LHFPL7: variants seen among roughly 807,000 people sequenced by gnomAD.
The protein encoded by LHFPL7 is LHFPL tetraspan subfamily member 7 protein.
chr22:24,946,392 C>T, the LHFPL7 span, among the ~76,000 whole-genome samples: 1 of 151,754 alleles, frequency 6.6e-6, no homozygotes, highest in African/African-American at 2.4e-5. Context: ...CAAGCATGCA[C>T]ACATGAGCGC....
the LHFPL7 span, among the ~76,000 whole-genome samples, chr22:24,942,742 G>A: frequency 2.6e-5 from 4 of 152,332 alleles, no homozygotes; most frequent in East Asian, 7.7e-4. Context: ...GGGGCAGACA[G>A]TGTTGGGATC....
At chr22:24,941,746 C>T in the LHFPL7 span, among the ~76,000 whole-genome samples, 2 of 151,630 alleles carry the variant, frequency 1.3e-5, no homozygotes, top group Non-Finnish European at 2.9e-5. Flanking sequence ...TCTCAGCTCA[C>T]GTAACCTCCG....
the LHFPL7 span, among the ~76,000 whole-genome samples, chr22:24,941,624 T>C: frequency 7.0e-6 from 1 of 143,480 alleles, no homozygotes; most frequent in African/African-American, 2.6e-5. Flanking sequence ...TTTTTTGGCA[T>C]GATACTGCTT....
the LHFPL7 span, chr22:24,935,547 G>C: frequency 2.5e-6 from 4 of 1,613,708 alleles, no homozygotes; most frequent in South Asian, 1.1e-5. Context: ...GATGAATGGG[G>C]AGGCAAGGCC....
the LHFPL7 span, chr22:24,938,389 G>A: frequency 1.3e-6 from 2 of 1,589,512 alleles, no homozygotes; most frequent in Middle Eastern, 2.2e-4. Context: ...CAGAAGGAAG[G>A]GTGTTGGCTG....
the LHFPL7 span, chr22:24,939,339 C>T: frequency 1.4e-6 from 1 of 702,940 alleles, no homozygotes; most frequent in Non-Finnish European, 2.6e-6. Context: ...TCTCACCTTC[C>T]AGGCAAAGTC....
the LHFPL7 span, chr22:24,935,720 T>A: frequency 2.3e-6 from 3 of 1,293,172 alleles, no homozygotes; most frequent in Non-Finnish European, 3.2e-6. Flanking sequence ...ATTCATTTGC[T>A]TATTTATTGG....
chr22:24,942,892 A>AGTGTGT, the LHFPL7 span, among the ~76,000 whole-genome samples: 2,767 of 128,070 alleles, frequency 0.022, 37 homozygotes, highest in Admixed American at 0.033. Flanking sequence ...AAGGGGATAA[A>AGTGTGT]GTGTGTGTGT....
chr22:24,937,527 C>G, the LHFPL7 span, among the ~76,000 whole-genome samples: 1 of 152,138 alleles, frequency 6.6e-6, no homozygotes, highest in African/African-American at 2.4e-5. Flanking sequence ...GTGGCATGAT[C>G]TGATGTCAGG....
At chr22:24,935,603 T>C in the LHFPL7 span, 1 of 1,607,010 alleles carries the variant, frequency 6.2e-7, no homozygotes, top group South Asian at 1.1e-5. Context: ...TAGCTGGAGA[T>C]AGCAGGAAGG....
the LHFPL7 span, among the ~76,000 whole-genome samples, chr22:24,936,276 C>T: frequency 6.6e-6 from 1 of 152,136 alleles, no homozygotes; most frequent in African/African-American, 2.4e-5. Flanking sequence ...CCAATCCATC[C>T]ATCCACCCAT....
At chr22:24,936,122 A>T in the LHFPL7 span, among the ~76,000 whole-genome samples, 1 of 151,576 alleles carries the variant, frequency 6.6e-6, no homozygotes, top group African/African-American at 2.4e-5. Flanking sequence ...CACTCACTCA[A>T]CTACACTTCC....
At chr22:24,943,007 C>T in the LHFPL7 span, among the ~76,000 whole-genome samples, 1 of 151,278 alleles carries the variant, frequency 6.6e-6, no homozygotes, top group Non-Finnish European at 1.5e-5. Context: ...CTTTTTACCC[C>T]GAGATGAGAA....
chr22:24,942,615 C>G, the LHFPL7 span, among the ~76,000 whole-genome samples: 4 of 152,218 alleles, frequency 2.6e-5, no homozygotes, highest in African/African-American at 7.2e-5. Context: ...AGAGGCCAAC[C>G]AACCACTCCA....
the LHFPL7 span, among the ~76,000 whole-genome samples, chr22:24,944,923 C>A: frequency 6.6e-6 from 1 of 152,006 alleles, no homozygotes; most frequent in Admixed American, 6.6e-5. Flanking sequence ...AATTCTCCTG[C>A]CTCAGCCTCC....
At chr22:24,936,208 C>T in the LHFPL7 span, among the ~76,000 whole-genome samples, 1,268 of 152,226 alleles carry the variant, frequency 8.3e-3, 19 homozygotes, top group African/African-American at 0.029. Context: ...CTCTGTCCAC[C>T]TATTTATTCA....
At chr22:24,939,143 G>T in the LHFPL7 span, among the ~76,000 whole-genome samples, 1 of 152,214 alleles carries the variant, frequency 6.6e-6, no homozygotes, top group Non-Finnish European at 1.5e-5. Context: ...AAGTTGCACA[G>T]GTGTTTCTGA....
At chr22:24,946,576 C>G in the LHFPL7 span, 3 of 152,440 alleles carry the variant, frequency 2.0e-5, no homozygotes, top group African/African-American at 4.8e-5. Flanking sequence ...ACTCACCACA[C>G]TTTAGGTCAA....
the LHFPL7 span, chr22:24,938,125 T>C: frequency 6.2e-7 from 1 of 1,612,198 alleles, no homozygotes; most frequent in East Asian, 2.2e-5. Flanking sequence ...GAGCACTGAC[T>C]ATGTGCCTGT....
Sources: allele counts gnomAD v4.1 joint callset (sites outside exome capture counted in the v4.1 genomes callset), GRCh38; gene constraint gnomAD v4.1.1; transcripts MANE v1.5; gene names NCBI Gene and HGNC (gene_info 2026-07-23, HGNC 2026-07-21).